AKT3: variants seen among roughly 807,000 people sequenced by gnomAD.
AKT3 encodes AKT serine/threonine kinase 3.
In AKT3, 15 loss-of-function variants were observed where a neutral mutation model predicts 65.3. That is an observed-to-expected ratio of 0.23 (90% CI 0.15 to 0.35). The LOEUF is 0.35. Ranked by LOEUF, AKT3 falls within the 10% of genes least tolerant of loss-of-function variation. The pLI, the probability that AKT3 is intolerant of heterozygous loss-of-function variation, is 1.00. For synonymous variants in AKT3, 206 were observed against 183.8 expected, an observed-to-expected ratio of 1.12 and a Z score of -0.98; for missense variants, 243 against 576.5, an observed-to-expected ratio of 0.42 and a Z score of 5.92.
At chr1:243,671,216 T>G (rs1026748139) in intron 3 of AKT3, among the ~76,000 whole-genome samples, 1 of 152,004 alleles carries the variant, frequency 6.6e-6, no homozygotes, top group African/African-American at 2.4e-5. Flanking sequence ...TAGCTGGGAC[T>G]ACAGGTGGCC....
At position 243,561,493 on chromosome 1, in the gene AKT3, T is replaced by C. The variant is rs146679928; in HGVS notation, c.948+2227A>G. Among the ~76,000 whole-genome samples the C allele has an allele frequency of 4.7e-4, 71 of 152,286 alleles. No individual in the cohort carries two copies. In the East Asian group the frequency reaches 0.013, roughly 29 times the overall value. On this transcript the variant is annotated intron_variant, in intron 10 of 13. Transcript: ENST00000673466. ...TTACACTTCTACCACCTCTTAGCTG[T>C]GTACAGATAACATTTAAATATTCTG...
chr1:243,545,554 T>A lies in AKT3; in HGVS notation c.1207A>T (p.Ser403Cys). The A allele has an allele frequency of 6.2e-7, 1 of 1,613,116 alleles. No homozygotes were observed. Among genetic ancestry groups the A allele is most frequent in the Non-Finnish European group, 8.5e-7 (1 of 1,179,376 alleles). The part of the protein sequence containing the change: ...PDDAKEIMRH[S>C]FFSGVNWQDV... ...TGCCAGTTTACTCCAGAGAAGAAACTGTGTCTCATAATTTCTTTTGCATCA... is the reference window on the plus strand; with the variant it reads ...TGCCAGTTTACTCCAGAGAAGAAACAGTGTCTCATAATTTCTTTTGCATCA... Residue 403 changes from serine (S) to cysteine (C), a missense_variant, in exon 12 of 14, where the codon AGT becomes TGT. This residue lies in a region of AKT3 where 57 missense variants were observed against 107.6 expected (regional missense o/e 0.53). Coordinates refer to ENST00000673466, the MANE Select transcript of AKT3 (RefSeq NM_005465.7).
chr1:243,535,689 T>G (rs544506055), intron 12 of AKT3, among the ~76,000 whole-genome samples: 12 of 152,330 alleles, frequency 7.9e-5, no homozygotes, highest in African/African-American at 2.2e-4. Flanking sequence ...AATAAACATA[T>G]GAGTATATGT....
intron 3 of AKT3, among the ~76,000 whole-genome samples, chr1:243,679,311 T>C (rs561880832): frequency 1.3e-5 from 2 of 152,328 alleles, no homozygotes; most frequent in South Asian, 4.1e-4. Context: ...CCCCTAAACT[T>C]TGCATTGCTC....
At chr1:243,729,872 T>A (rs1197623806) in intron 2 of AKT3, among the ~76,000 whole-genome samples, 1 of 152,254 alleles carries the variant, frequency 6.6e-6, no homozygotes, top group Non-Finnish European at 1.5e-5. Context: ...ATTACCAGAA[T>A]AATTTACTTT....
chr1:243,530,026 G>A (rs1226351675), intron 12 of AKT3, among the ~76,000 whole-genome samples: 1 of 152,108 alleles, frequency 6.6e-6, no homozygotes, highest in Non-Finnish European at 1.5e-5. Context: ...TCCCTGGTTA[G>A]CTGTATTCCT....
chr1:243,689,481 GA>G (rs1234683542), intron 3 of AKT3, among the ~76,000 whole-genome samples: 24 of 135,708 alleles, frequency 1.8e-4, no homozygotes, highest in African/African-American at 5.5e-4. Context: ...TTTATTCAAA[GA>G]TTTTTTTTTT....
At chr1:243,747,707 T>G (rs990410910) in intron 2 of AKT3, among the ~76,000 whole-genome samples, 1 of 152,200 alleles carries the variant, frequency 6.6e-6, no homozygotes, top group Non-Finnish European at 1.5e-5. Flanking sequence ...TAGTATCACA[T>G]TGGGAATTAC....
chr1:243,834,643 C>T (rs1694772869), intron 2 of AKT3, among the ~76,000 whole-genome samples: 1 of 151,698 alleles, frequency 6.6e-6, no homozygotes, highest in South Asian at 2.1e-4. Flanking sequence ...ATGCTTATTA[C>T]CCGGATGACG....
At chr1:243,743,314 C>T (rs1688277992) in intron 2 of AKT3, among the ~76,000 whole-genome samples, 1 of 152,136 alleles carries the variant, frequency 6.6e-6, no homozygotes. Context: ...GGGACTTGAC[C>T]ATCCTGGCAA....
chr1:243,587,351 C>T (rs1212349902), intron 8 of AKT3, among the ~76,000 whole-genome samples: 1 of 152,164 alleles, frequency 6.6e-6, no homozygotes, highest in African/African-American at 2.4e-5. Flanking sequence ...TGGCTCACGC[C>T]TGTAATCCTA....
chr1:243,773,192 CATATATATATAAAAA>C (rs1173774194), intron 2 of AKT3, among the ~76,000 whole-genome samples: 2 of 145,698 alleles, frequency 1.4e-5, no homozygotes, highest in South Asian at 2.1e-4. Context: ...ATAATAAAAA[CATATATATATAAAAA>C]ATATATATAT....
At chr1:243,611,072 C>T (rs1341265758) in intron 8 of AKT3, among the ~76,000 whole-genome samples, 1 of 152,104 alleles carries the variant, frequency 6.6e-6, no homozygotes, top group Non-Finnish European at 1.5e-5. Flanking sequence ...AGTATAAGCG[C>T]ATTTTAAATT....
chr1:243,849,154 C>CGGCA (rs928855722), intron 1 of AKT3, among the ~76,000 whole-genome samples: 51 of 152,220 alleles, frequency 3.4e-4, no homozygotes, highest in African/African-American at 1.2e-3. Flanking sequence ...AGGGCCCCAC[C>CGGCA]GGCATCATGG....
Position 243,712,302 on chromosome 1 carries a change from G to A in AKT3, c.47-16586C>T, listed in dbSNP as rs547343575. Among the ~76,000 whole-genome samples, 6 of 152,282 alleles carry A rather than the reference G, an allele frequency of 3.9e-5. No individual in the cohort carries two copies. The South Asian group carries it at 1.2e-3, about 32-fold the overall frequency. Reference sequence around the variant, plus strand: ...AGTCACTTGAGTAAAAACTGACGGTGAGAGAGAAAGTTTTTTCTAGATAGA... The same window carrying A: ...AGTCACTTGAGTAAAAACTGACGGTAAGAGAGAAAGTTTTTTCTAGATAGA... On this transcript the variant is annotated intron_variant, in intron 2 of 13. Coordinates refer to ENST00000673466, the MANE Select transcript of AKT3 (RefSeq NM_005465.7).
intron 4 of AKT3, among the ~76,000 whole-genome samples, chr1:243,660,783 A>C (rs1248693243): frequency 3.3e-5 from 5 of 152,354 alleles, no homozygotes; most frequent in Admixed American, 2.6e-4. Flanking sequence ...CCCTGTTTGC[A>C]GATGACATGA....
intron 2 of AKT3, among the ~76,000 whole-genome samples, chr1:243,730,089 C>T (rs1338790805): frequency 6.6e-6 from 1 of 152,224 alleles, no homozygotes; most frequent in Non-Finnish European, 1.5e-5. Context: ...CTGGAATCCA[C>T]AACCTGGAGG....
intron 9 of AKT3, among the ~76,000 whole-genome samples, chr1:243,571,496 C>G (rs1213438881): frequency 6.6e-6 from 1 of 152,168 alleles, no homozygotes; most frequent in African/African-American, 2.4e-5. Flanking sequence ...CCTATTACTT[C>G]AAAATTGTTA....
intron 8 of AKT3, among the ~76,000 whole-genome samples, chr1:243,610,820 G>A (rs1677816279): frequency 6.6e-6 from 1 of 152,130 alleles, no homozygotes; most frequent in Non-Finnish European, 1.5e-5. Flanking sequence ...ACAGAAGTAT[G>A]CTTTATACTC....
Sources: gnomAD v4.1 joint callset for allele counts (sites outside exome capture counted in the v4.1 genomes callset) on GRCh38, gnomAD v4.1.1 for gene constraint, gnomAD v4.1.1 regional missense constraint, MANE v1.5 for transcripts, NCBI Gene and HGNC (gene_info 2026-07-23, HGNC 2026-07-21) for gene names.